The following DZANK1 variants were observed in gnomAD, a reference collection of about 807,000 sequenced individuals.
DZANK1 encodes double zinc ribbon and ankyrin repeat-containing protein 1.
A neutral mutation model predicts 94.5 loss-of-function variants in DZANK1; 91 were observed. That is an observed-to-expected ratio of 0.96 (90% confidence interval 0.81 to 1.15). The LOEUF (loss-of-function observed/expected upper bound fraction) is 1.15. DZANK1 is among the 50% of genes most tolerant of loss of function. The pLI is 0.00. For missense variants in DZANK1, 903 were observed against 916.4 expected (o/e 0.99, Z 0.19); for synonymous variants, 312 against 325.3 (o/e 0.96, Z 0.44).
At position 18,414,922 on chromosome 20, in the gene DZANK1, T is replaced by C. The variant is rs148454737; in HGVS notation, c.1077+405A>G. On this transcript the variant is annotated intron_variant, in intron 11 of 20. Transcript: ENST00000262547. ...CTGAAAGAACATCTCAAGAACTGGA[T>C]CTGAGCAATTGCTTCTGAGAGGAGA... Among the ~76,000 whole-genome samples, 540 of 152,326 alleles carry C rather than the reference T, an allele frequency of 3.5e-3. 1 individual carries two copies. The highest frequency in any genetic ancestry group is 6.8e-3 in the Middle Eastern group (2 of 294).
At chr20:18,408,422 A>T (rs1279289762) in intron 13 of DZANK1, among the ~76,000 whole-genome samples, 5 of 152,206 alleles carry the variant, frequency 3.3e-5, no homozygotes, top group Non-Finnish European at 5.9e-5. Context: ...ATAGAACACC[A>T]AGCAGATTTA....
At chr20:18,406,168 T>C (rs1479091434) in intron 13 of DZANK1, among the ~76,000 whole-genome samples, 4 of 152,192 alleles carry the variant, frequency 2.6e-5, no homozygotes, top group Non-Finnish European at 4.4e-5. Context: ...TAGGCTAGGC[T>C]CAGAGGCAGT....
intron 9 of DZANK1, 48 bp from the exon 10 acceptor site, chr20:18,427,207 G>A (rs777349260): frequency 4.2e-6 from 6 of 1,443,372 alleles, no homozygotes; most frequent in South Asian, 1.2e-5. Context: ...GCAAACAACT[G>A]TGCAAAGAAA....
chr20:18,423,375 T>C (rs1440851386), intron 10 of DZANK1, among the ~76,000 whole-genome samples: 2 of 152,240 alleles, frequency 1.3e-5, no homozygotes, highest in African/African-American at 4.8e-5. Flanking sequence ...GTACAAGTCT[T>C]TCACTTCCTA....
intron 17 of DZANK1, among the ~76,000 whole-genome samples, chr20:18,392,902 G>T (rs1311677739): frequency 1.3e-5 from 2 of 152,218 alleles, no homozygotes; most frequent in South Asian, 2.1e-4. Flanking sequence ...CCATATGGAG[G>T]TTAGGTGTTG....
chr20:18,422,799 C>CTTTT (rs55683540), intron 10 of DZANK1, among the ~76,000 whole-genome samples: 8,402 of 124,752 alleles, frequency 0.067, 711 homozygotes, highest in African/African-American at 0.18. Context: ...TGGCTTTGTT[C>CTTTT]TTTTTTTTTT....
At chr20:18,419,018 T>G (rs375567659) in intron 10 of DZANK1, among the ~76,000 whole-genome samples, 353 of 152,192 alleles carry the variant, frequency 2.3e-3, no homozygotes, top group Non-Finnish European at 3.9e-3. Context: ...TCTCAGCACT[T>G]TGGGAGGCCG....
intron 1 of DZANK1, 195 bp from the exon 2 acceptor site, chr20:18,465,572 A>C (rs1777170456): frequency 4.0e-6 from 1 of 251,936 alleles, no homozygotes. Flanking sequence ...GGTTTTGATT[A>C]TCTAAATACC....
chr20:18,435,126 TG>T (rs562733754), intron 8 of DZANK1, among the ~76,000 whole-genome samples: 45 of 152,300 alleles, frequency 3.0e-4, no homozygotes, highest in African/African-American at 1.0e-3. Flanking sequence ...GAGTAAAAGC[TG>T]GGGCTGGAAA....
chr20:18,438,055 A>G (rs572897707), intron 8 of DZANK1, among the ~76,000 whole-genome samples: 37 of 151,798 alleles, frequency 2.4e-4, no homozygotes, highest in Middle Eastern at 3.4e-3. Context: ...CGTCTCTACT[A>G]AAAATACAAA....
At chr20:18,409,549 A>AAT (rs923753113) in intron 13 of DZANK1, among the ~76,000 whole-genome samples, 7 of 60,628 alleles carry the variant, frequency 1.2e-4, no homozygotes, top group African/African-American at 2.8e-4. Flanking sequence ...GAGTAATATG[A>AAT]ATACACACAC....
intron 4 of DZANK1, 139 bp downstream of exon 4, chr20:18,455,108 G>T (rs2059237618): frequency 1.6e-6 from 1 of 624,560 alleles, no homozygotes; most frequent in African/African-American, 1.9e-5. Flanking sequence ...AAGATGCTTT[G>T]CAATGGTTGA....
At chr20:18,397,053 T>G (rs535884138) in intron 14 of DZANK1, among the ~76,000 whole-genome samples, 19 of 152,350 alleles carry the variant, frequency 1.2e-4, no homozygotes, top group African/African-American at 4.1e-4. Flanking sequence ...TTAGGTCTTG[T>G]GGACCATATG....
At chr20:18,422,520 T>C (rs1007311560) in intron 10 of DZANK1, among the ~76,000 whole-genome samples, 5 of 152,220 alleles carry the variant, frequency 3.3e-5, no homozygotes, top group African/African-American at 7.2e-5. Context: ...TGGGTCACAG[T>C]TGAAATGCAG....
rs1327851842 is a variant in DZANK1 at position 18,441,531 on chromosome 20, C to T, written c.747+1816G>A. ...CAGAAATTCCAAACATAGGGAGGAT[C>T]CCCTACCTCTGTGGCTGAGACAGAG... On this transcript the variant is annotated intron_variant, in intron 8 of 20. Transcript: ENST00000262547. This position sits in a 1 kb window ranked among gnomAD's most constrained non-coding sequence, Gnocchi z 4.1. Among the ~76,000 whole-genome samples, 7 of 152,220 alleles carry T rather than the reference C, an allele frequency of 4.6e-5. No homozygotes were observed. Among genetic ancestry groups the T allele is most frequent in the African/African-American group, 1.7e-4 (7 of 41,456 alleles).
At chr20:18,390,350 G>A (rs780841313) in intron 18 of DZANK1, 29 bp downstream of exon 18, 6 of 1,606,112 alleles carry the variant, frequency 3.7e-6, no homozygotes, top group Middle Eastern at 1.6e-4. Flanking sequence ...GAACTCTTCA[G>A]AGAGACTGGC....
intron 12 of DZANK1, among the ~76,000 whole-genome samples, chr20:18,413,573 A>T (rs2057355531): frequency 6.6e-6 from 1 of 152,044 alleles, no homozygotes. Flanking sequence ...CGAGGTAAGG[A>T]GTTCGAGATC....
exon 17 of DZANK1, chr20:18,393,807 A>T: frequency 1.2e-6 from 2 of 1,608,368 alleles, no homozygotes; most frequent in Non-Finnish European, 8.5e-7. Context: ...GGCTGTAGTC[A>T]CTCACTGAAA....
At position 18,396,567 on chromosome 20, in the gene DZANK1, A is replaced by C. The variant is rs756546288; in HGVS notation, c.1537-21T>G. On this transcript the variant is annotated intron_variant, in intron 14 of 20. Coordinates refer to ENST00000262547, the Ensembl canonical transcript of DZANK1. ...ATAAGCTTTTAAAAGAGTTGTAGAG[A>C]GAATTCATAACTGTGGGTGTGGGAC... 6.9e-6 allele frequency: 11 copies of C among 1,596,708 alleles called. No homozygotes were observed. In the South Asian group the frequency reaches 7.8e-5, roughly 11 times the overall value.
Sources: allele counts gnomAD v4.1 joint callset (sites outside exome capture counted in the v4.1 genomes callset), GRCh38; gene constraint gnomAD v4.1.1; non-coding constraint Gnocchi (gnomAD v3.1); transcripts MANE v1.5; gene names NCBI Gene and HGNC (gene_info 2026-07-23, HGNC 2026-07-21).